ARMC12: variants seen among roughly 807,000 people sequenced by gnomAD.
ARMC12 encodes armadillo repeat containing 12, also known as armadillo repeat-containing protein 12.
In ARMC12, 25 loss-of-function variants were observed where a neutral mutation model predicts 37.4. The observed-to-expected ratio is 0.67, with a 90% CI of 0.49 to 0.93. The LOEUF (loss-of-function observed/expected upper bound fraction) is 0.93. Among genes scored for constraint, ARMC12 ranks in the 40% least tolerant of loss-of-function variants. The probability of loss-of-function intolerance (pLI) is 0.00; values close to 1 mark genes in which losing one functional copy is unlikely to be tolerated. For synonymous variants in ARMC12, 167 were observed against 176.1 expected (o/e 0.95, Z 0.41); for missense variants, 384 against 426.6 (o/e 0.90, Z 0.88).
At chr6:35,735,381 G>A (rs1180717667), upstream of ARMC12, 1 of 152,484 alleles carries the variant, frequency 6.6e-6, no homozygotes, top group Admixed American at 6.5e-5. This position sits in a 1 kb window ranked among gnomAD's most constrained non-coding sequence, Gnocchi z 4.0. Context: ...AGAGTGCCAG[G>A]AATGATGACC....
At chr6:35,748,471 T>C (rs1375784764) in intron 5 of ARMC12, 67 bp from the exon 6 acceptor site, 1 of 1,337,712 alleles carries the variant, frequency 7.5e-7, no homozygotes, top group Non-Finnish European at 9.9e-7. Flanking sequence ...AATAGGAATA[T>C]ACAAGAACAA....
chr6:35,748,863 C>T lies in ARMC12; in HGVS notation c.1016C>T (p.Thr339Met), dbSNP rs377035170. 36 of 1,608,288 alleles carry T rather than the reference C, an allele frequency of 2.2e-5. No homozygotes were observed. The highest frequency in any genetic ancestry group is 1.3e-4 in the East Asian group (6 of 44,846). ...CCCAGTCGTTCCTACTTTAAAAACA[C>T]GGAATAAAATTAAGGAGAGCCAATA... Reference protein sequence around the residue: ...CQPSRSYFKNTE With the variant: ...CQPSRSYFKNME The change falls in exon 6 of 6, where the codon ACG becomes ATG. Residue 339 changes from threonine (T) to methionine (M), a missense_variant. Coordinates refer to ENST00000373866, the MANE Select transcript of ARMC12 (RefSeq NM_001286574.2).
At chr6:35,732,690 T>C (rs1029259885), upstream of ARMC12, among the ~76,000 whole-genome samples, 78 of 152,208 alleles carry the variant, frequency 5.1e-4, no homozygotes, top group African/African-American at 1.8e-3. Context: ...GCCAGGATAC[T>C]GGTAAAGAGA....
Position 35,738,438 on chromosome 6 carries a change from A to C in ARMC12, c.364A>C (p.Lys122Gln). 1 of 1,613,932 alleles carries C rather than the reference A, an allele frequency of 6.2e-7. No homozygotes were observed. Among genetic ancestry groups the C allele is most frequent in the African/African-American group, 1.3e-5 (1 of 74,928 alleles). Residue 122 changes from lysine (K) to glutamine (Q), a missense_variant, in exon 3 of 6, where the codon AAG (lysine) becomes CAG (glutamine). Coordinates refer to ENST00000373866, the MANE Select transcript of ARMC12 (RefSeq NM_001286574.2). ...IVLLGYMLDD[K>Q]DNSVKTQALN... ...GTTGCTGGGCTACATGCTGGATGAC[A>C]AGGACAACAGTGTCAAAACCCAAGC...
chr6:35,748,802 C>T lies in ARMC12; in HGVS notation c.955C>T (p.Pro319Ser), dbSNP rs750243425. 2 of 1,614,210 alleles carry T rather than the reference C, an allele frequency of 1.2e-6. No individual in the cohort carries two copies. The highest frequency in any genetic ancestry group is 2.2e-5 in the South Asian group (2 of 91,080). ...ACKVIVSLQY[P>S]QDLRARPSSC... ...CAAGGTCATTGTCAGCCTGCAGTAT[C>T]CCCAGGACTTGAGAGCCCGGCCCTC... Residue 319 changes from proline to serine, a missense_variant, in exon 6 of 6, where the codon CCC becomes TCC. By Grantham distance (74) the Pro-to-Ser change is moderately conservative. Coordinates refer to ENST00000373866, the MANE Select transcript of ARMC12 (RefSeq NM_001286574.2).
intron 3 of ARMC12, among the ~76,000 whole-genome samples, chr6:35,738,759 A>AC (rs1330794447): frequency 3.3e-5 from 5 of 152,020 alleles, no homozygotes; most frequent in African/African-American, 1.2e-4. Flanking sequence ...GACCCCCACT[A>AC]CCCCACAAGC....
chr6:35,738,011 TG>T lies in ARMC12; in HGVS notation c.164-12del. The T allele has an allele frequency of 6.2e-7, 1 of 1,611,758 alleles. No individual in the cohort carries two copies. On this transcript the variant is annotated splice_polypyrimidine_tract_variant and intron_variant, in intron 1 of 5. Transcript: ENST00000373866. ...TCTGAGTCCACAGCCTGAACTGGGC[TG>T]GGGTGGCTGTCTAGGCCTGGCAGTC...
chr6:35,738,283 C>CG (rs201221548), intron 2 of ARMC12, 101 bp from the exon 3 acceptor site: 34,738 of 553,362 alleles, frequency 0.063, 269 homozygotes, highest in Non-Finnish European at 0.074. Context: ...TGGCTGATAG[C>CG]GGTGGGGGGG....
At chr6:35,747,462 G>T (rs758967648) in intron 4 of ARMC12, 28 bp downstream of exon 4, 1 of 1,613,968 alleles carries the variant, frequency 6.2e-7, no homozygotes, top group Non-Finnish European at 8.5e-7. Context: ...CCAAGGCCCT[G>T]CCTTGCTGAC....
In ARMC12 at chr6:35,737,165, C is replaced by A; in HGVS notation, c.57C>A (p.Val19=). 6.2e-7 allele frequency: 1 copy of A among 1,614,248 alleles called. No individual in the cohort carries two copies. The change falls in exon 1 of 6, where the codon GTC becomes GTA. Residue 19 remains valine (V), a synonymous_variant. Transcript: ENST00000373866. The part of the protein sequence containing the change: ...LGQLDIRKSV[V]SLATGAGAIY... ...AACTGGACATCCGCAAAAGCGTAGT[C>A]AGCCTGGCCACAGGCGCCGGGGCGA...
upstream of ARMC12, chr6:35,736,832 ACTG>A: frequency 2.1e-6 from 1 of 472,802 alleles, no homozygotes; most frequent in South Asian, 2.3e-5. Context: ...CTGGTCTCGA[ACTG>A]CTGACCTCAA....
At position 35,748,594 on chromosome 6, in the gene ARMC12, T is replaced by C; in HGVS notation, c.747T>C (p.Tyr249=). 1 of 1,586,444 alleles carries C rather than the reference T, an allele frequency of 6.3e-7. No individual in the cohort carries two copies. The highest frequency in any genetic ancestry group is 8.6e-7 in the Non-Finnish European group (1 of 1,164,838). The change falls in exon 6 of 6, where the codon TAT becomes TAC. Residue 249 remains tyrosine, a synonymous_variant. Coordinates refer to ENST00000373866, the MANE Select transcript of ARMC12 (RefSeq NM_001286574.2). The part of the protein sequence containing the change: ...FQPTQSGSLL[Y]EVLVFAERLS... ...CCACACAGTCAGGGAGTCTCCTGTATGAGGTACTGGTGTTTGCTGAGCGGC... is the reference window on the plus strand; with the variant it reads ...CCACACAGTCAGGGAGTCTCCTGTACGAGGTACTGGTGTTTGCTGAGCGGC...
In ARMC12 at chr6:35,741,418, AT is replaced by A. The variant is rs34523843; in HGVS notation, c.444+2914del. 1.1e-3 allele frequency among the ~76,000 whole-genome samples: 160 copies of A among 145,244 alleles called. 1 individual carries two copies. The East Asian group carries it at 0.019, about 17-fold the overall frequency. On this transcript the variant is annotated intron_variant, in intron 3 of 5. Transcript: ENST00000373866. ...TAACGTTTGATAATTTCACATTTTAATTTTTTTTTTTTTTGAGACAGAGTCT... is the reference window on the plus strand; with the variant it reads ...TAACGTTTGATAATTTCACATTTTAATTTTTTTTTTTTTGAGACAGAGTCT...
In ARMC12 at chr6:35,747,652, G is replaced by A. The variant is rs1415486597; in HGVS notation, c.690+5G>A. 1.2e-6 allele frequency: 2 copies of A among 1,613,472 alleles called. No individual in the cohort carries two copies. The highest frequency in any genetic ancestry group is 3.4e-4 in the Middle Eastern group (2 of 5,940). Reference sequence around the variant, plus strand: ...TATGACATTCTCAACTGCCAGGTGAGAAAGAAATTGAAGAGGGGCTGATGA... The same window carrying A: ...TATGACATTCTCAACTGCCAGGTGAAAAAGAAATTGAAGAGGGGCTGATGA... On this transcript the variant is annotated splice_donor_5th_base_variant and intron_variant, in intron 5 of 5. Coordinates refer to ENST00000373866, the MANE Select transcript of ARMC12 (RefSeq NM_001286574.2).
At chr6:35,738,196 CT>C (rs775041200) in intron 2 of ARMC12, 24 bp downstream of exon 2, 360 of 1,605,510 alleles carry the variant, frequency 2.2e-4, no homozygotes, top group Middle Eastern at 1.7e-3. Flanking sequence ...GAGGTCCCCC[CT>C]AGCCGGCCTG....
At chr6:35,739,178 C>T (rs1023805518) in intron 3 of ARMC12, among the ~76,000 whole-genome samples, 1 of 152,024 alleles carries the variant, frequency 6.6e-6, no homozygotes, top group Non-Finnish European at 1.5e-5. Context: ...TGCTCCTGGC[C>T]CAATAACGAG....
intron 3 of ARMC12, among the ~76,000 whole-genome samples, chr6:35,744,050 T>C (rs1046629942): frequency 6.6e-6 from 1 of 152,190 alleles, no homozygotes; most frequent in Non-Finnish European, 1.5e-5. Flanking sequence ...AATCAATACA[T>C]TGGACTTTAT....
intron 3 of ARMC12, among the ~76,000 whole-genome samples, chr6:35,744,781 A>G (rs1767287418): frequency 6.6e-6 from 1 of 152,124 alleles, no homozygotes; most frequent in Admixed American, 6.6e-5. Context: ...TGATGTTAAA[A>G]CAAGCAGTCC....
At chr6:35,745,569 G>A (rs1217145765) in intron 3 of ARMC12, among the ~76,000 whole-genome samples, 1 of 152,068 alleles carries the variant, frequency 6.6e-6, no homozygotes, top group Admixed American at 6.6e-5. Context: ...CTGCAGTTGT[G>A]GTTACACAAA....
Sources: gnomAD v4.1 joint callset for allele counts (sites outside exome capture counted in the v4.1 genomes callset) on GRCh38, gnomAD v4.1.1 for gene constraint, Gnocchi (gnomAD v3.1) non-coding constraint, MANE v1.5 for transcripts, NCBI Gene and HGNC (gene_info 2026-07-23, HGNC 2026-07-21) for gene names.